The following HCN3 variants were observed in gnomAD, a reference collection of about 807,000 sequenced individuals.
The protein encoded by HCN3 is potassium/sodium hyperpolarization-activated cyclic nucleotide-gated channel 3.
In HCN3, 36 loss-of-function variants were observed where a neutral mutation model predicts 56.8. The ratio of observed to expected loss-of-function variants is 0.63; its 90% CI spans 0.49 to 0.84. HCN3 has a LOEUF of 0.84. Ranked by LOEUF, HCN3 falls within the 40% of genes least tolerant of loss-of-function variation. The pLI is 0.00. For synonymous variants in HCN3, 425 were observed against 439.7 expected (o/e 0.97, Z 0.42); for missense variants, 930 against 1,079.3 (o/e 0.86, Z 1.94).
In HCN3 at chr1:155,284,733, T is replaced by C; in HGVS notation, c.1065T>C (p.Ser355=). The C allele has an allele frequency of 6.2e-7, 1 of 1,614,052 alleles. No homozygotes were observed. Among genetic ancestry groups the C allele is most frequent in the South Asian group, 1.1e-5 (1 of 91,086 alleles). ...CGGCACTCATCCAGTCCCTGGACTC[T>C]TCCCGGCGTCAGTACCAGGAGAAGG... is the stretch of plus-strand genomic sequence containing the variant. The part of the protein sequence containing the change: ...HATALIQSLD[S]SRRQYQEKYK... Residue 355 remains serine, a synonymous_variant, in exon 4 of 8, where the codon TCT becomes TCC. Coordinates refer to ENST00000368358, the MANE Select transcript of HCN3 (RefSeq NM_020897.3). The surrounding 1 kb of genome is among the most constrained non-coding windows in gnomAD (Gnocchi z 4.3).
In HCN3 at chr1:155,288,603, C is replaced by T. The variant is rs1674401971; in HGVS notation, c.*140C>T. The T allele has an allele frequency of 9.4e-7, 1 of 1,059,376 alleles. No individual in the cohort carries two copies. Among genetic ancestry groups the T allele is most frequent in the South Asian group, 1.7e-5 (1 of 60,428 alleles). The allele number at this position is 1,059,376 out of a possible 1,614,324, so 65.6% of individuals were successfully genotyped here. On this transcript the variant is annotated 3_prime_UTR_variant, in exon 8 of 8. Transcript: ENST00000368358. This position sits in a 1 kb window ranked among gnomAD's most constrained non-coding sequence, Gnocchi z 6.5. ...CCCTGTGCGGACATTCCGCATACTG[C>T]CATGAAGACGGTCTCTGTGTCCTCA...
At chr1:155,277,982 C>T in intron 1 of HCN3, 114 bp downstream of exon 1, 1 of 1,308,462 alleles carries the variant, frequency 7.6e-7, no homozygotes, top group South Asian at 1.4e-5. Context: ...AGCCCGGGGT[C>T]CCTTGGTGGG....
chr1:155,286,042 T>C (rs1004127571), intron 6 of HCN3, 78 bp downstream of exon 6: 88 of 1,512,392 alleles, frequency 5.8e-5, no homozygotes, highest in Non-Finnish European at 7.2e-5. Context: ...TCTGGGTCCC[T>C]GCCTCAGTAC....
At chr1:155,280,662 T>A (rs1164297963) in intron 1 of HCN3, among the ~76,000 whole-genome samples, 1 of 148,166 alleles carries the variant, frequency 6.7e-6, no homozygotes, top group Non-Finnish European at 1.5e-5. Context: ...ATGGTCTCAA[T>A]CTCCTGACCT....
Position 155,285,248 on chromosome 1 carries a change from C to T in HCN3, c.1173C>T (p.Arg391=), listed in dbSNP as rs1055504195. The change falls in exon 5 of 8, where the codon CGC becomes CGT. Residue 391 remains arginine, a synonymous_variant. Coordinates refer to ENST00000368358, the MANE Select transcript of HCN3 (RefSeq NM_020897.3). The surrounding 1 kb of genome is among the most constrained non-coding windows in gnomAD (Gnocchi z 4.5). ...GCATCCACGAGTACTATGAGCACCG[C>T]TACCAGGGCAAGATGTTCGATGAGG... ...RQRIHEYYEH[R]YQGKMFDEES... 2 of 1,614,250 alleles carry T rather than the reference C, an allele frequency of 1.2e-6. No homozygotes were observed. The highest frequency in any genetic ancestry group is 2.7e-5 in the African/African-American group (2 of 75,078).
Position 155,287,965 on chromosome 1 carries a change from G to A in HCN3, c.1827G>A (p.Ala609=), listed in dbSNP as rs1308669882. 12 of 1,613,922 alleles carry A rather than the reference G, an allele frequency of 7.4e-6. No homozygotes were observed. The highest frequency in any genetic ancestry group is 1.1e-5 in the South Asian group (1 of 91,082). ...TACTGTGGGAGCCACTGGTACATGCGCCCCTTCAGGCAGCTGCTGTGACCT... is the reference window on the plus strand; with the variant it reads ...TACTGTGGGAGCCACTGGTACATGCACCCCTTCAGGCAGCTGCTGTGACCT... The part of the protein sequence containing the change: ...KPVLWEPLVH[A]PLQAAAVTSN... The change falls in exon 8 of 8, where the codon GCG becomes GCA. Residue 609 remains alanine (A), a synonymous_variant. Coordinates refer to ENST00000368358, the MANE Select transcript of HCN3 (RefSeq NM_020897.3).
chr1:155,287,883 C>A lies in HCN3; in HGVS notation c.1745C>A (p.Ala582Asp), dbSNP rs1264771174. The A allele has an allele frequency of 1.2e-6, 2 of 1,613,880 alleles. No individual in the cohort carries two copies. ...TTGGTGCAACATGACAGAGACATGG[C>A]TCGGGGTGTTCGGGGTCGGGCCCCG... is the stretch of plus-strand genomic sequence containing the variant. ...QHLVQHDRDM[A>D]RGVRGRAPST... The change falls in exon 8 of 8, where the codon GCT becomes GAT. Residue 582 changes from alanine (A) to aspartate (D), a missense_variant. By Grantham distance (126) the Ala-to-Asp change is moderately radical (BLOSUM62 -2). Transcript: ENST00000368358.
At chr1:155,287,361 C>T (rs1674328714) in intron 7 of HCN3, 24 bp downstream of exon 7, 1 of 1,612,602 alleles carries the variant, frequency 6.2e-7, no homozygotes, top group African/African-American at 1.3e-5. Flanking sequence ...ACCCCATCTG[C>T]TCTGGGTCCA....
chr1:155,277,714 C>T lies in HCN3; in HGVS notation c.124C>T (p.Pro42Ser), dbSNP rs772742057. 1 of 1,583,232 alleles carries T rather than the reference C, an allele frequency of 6.3e-7. No individual in the cohort carries two copies. The highest frequency in any genetic ancestry group is 1.1e-5 in the South Asian group (1 of 87,142). The change falls in exon 1 of 8, where the codon CCT becomes TCT. Residue 42 changes from proline (P) to serine (S), a missense_variant. Physicochemically the swap from Pro to Ser is moderately conservative, Grantham distance 74. Transcript: ENST00000368358. ...CTCAGGTCCGATCCCCAAATCTGGG[C>T]CTGAGCCTAAGAGGAGGCACCTTGG... is the stretch of plus-strand genomic sequence containing the variant. ...AASGPIPKSG[P>S]EPKRRHLGTL...
In HCN3 at chr1:155,285,889, A is replaced by G. The variant is rs755109897; in HGVS notation, c.1402A>G (p.Ile468Val). 2 of 1,614,004 alleles carry G rather than the reference A, an allele frequency of 1.2e-6. No individual in the cohort carries two copies. The highest frequency in any genetic ancestry group is 1.7e-6 in the Non-Finnish European group (2 of 1,179,990). ...CTCCGTGGGGAGGAAGATGTACTTCATCCAGCATGGGCTGCTCAGTGTGCT... is the reference window on the plus strand; with the variant it reads ...CTCCGTGGGGAGGAAGATGTACTTCGTCCAGCATGGGCTGCTCAGTGTGCT... ...EGSVGRKMYF[I>V]QHGLLSVLAR... The change falls in exon 6 of 8, where the codon ATC (isoleucine) becomes GTC (valine). Residue 468 changes from isoleucine (I) to valine (V), a missense_variant. Transcript: ENST00000368358. The surrounding 1 kb of genome is among the most constrained non-coding windows in gnomAD (Gnocchi z 4.5).
Position 155,287,927 on chromosome 1 carries a change from A to C in HCN3, c.1789A>C (p.Ser597Arg). Residue 597 changes from serine to arginine, a missense_variant, in exon 8 of 8, where the codon AGT becomes CGT. Physicochemically the swap from Ser to Arg is moderately radical, Grantham distance 110. Transcript: ENST00000368358. ...GGCCCCGAGCACAGGAGCTCAGCTTAGTGGAAAGCCAGTACTGTGGGAGCC... is the reference window on the plus strand; with the variant it reads ...GGCCCCGAGCACAGGAGCTCAGCTTCGTGGAAAGCCAGTACTGTGGGAGCC... ...GRAPSTGAQLSGKPVLWEPLV... is the reference protein window; with the variant it reads ...GRAPSTGAQLRGKPVLWEPLV... The C allele has an allele frequency of 6.2e-7, 1 of 1,614,010 alleles. No individual in the cohort carries two copies.
intron 1 of HCN3, among the ~76,000 whole-genome samples, chr1:155,281,217 T>C (rs1385583136): frequency 3.4e-5 from 5 of 147,372 alleles, no homozygotes; most frequent in African/African-American, 1.3e-4. Context: ...ACTACAGGTG[T>C]GCACCACCAT....
Position 155,284,068 on chromosome 1 carries a change from T to A in HCN3, c.803T>A (p.Leu268Gln). ...MLLLCHWDGC[L>Q]QFLVPMLQDF... ...CTGCTATGTCACTGGGATGGCTGTC[T>A]GCAGTTCCTGGTGCCCATGCTGCAG... The change falls in exon 3 of 8, where the codon CTG (leucine) becomes CAG (glutamine). Residue 268 changes from leucine (L) to glutamine (Q), a missense_variant. By Grantham distance (113) the Leu-to-Gln change is moderately radical. Transcript: ENST00000368358. This position sits in a 1 kb window ranked among gnomAD's most constrained non-coding sequence, Gnocchi z 4.3. The A allele has an allele frequency of 6.2e-7, 1 of 1,614,194 alleles. No homozygotes were observed.
At position 155,288,436 on chromosome 1, in the gene HCN3, G is replaced by C; in HGVS notation, c.2298G>C (p.Arg766=). 6.2e-7 allele frequency: 1 copy of C among 1,606,022 alleles called. No individual in the cohort carries two copies. The highest frequency in any genetic ancestry group is 8.5e-7 in the Non-Finnish European group (1 of 1,176,724). ...RPPVPEPATP[R]GLQLSANM ...CAGTGCCTGAGCCAGCCACACCCCG[G>C]GGTCTCCAGCTTTCTGCCAACATGT... Residue 766 remains arginine (R), a synonymous_variant, in exon 8 of 8, where the codon CGG becomes CGC. Transcript: ENST00000368358. The surrounding 1 kb of genome is among the most constrained non-coding windows in gnomAD (Gnocchi z 6.5).
At chr1:155,280,436 ATT>A (rs58042846) in intron 1 of HCN3, among the ~76,000 whole-genome samples, 13 of 131,522 alleles carry the variant, frequency 9.9e-5, no homozygotes, top group Admixed American at 2.3e-4. Context: ...CACCTGGCTA[ATT>A]TTTTTTTTTT....
Position 155,282,862 on chromosome 1 carries a change from CG to C in HCN3, c.708+26del. The C allele has an allele frequency of 3.9e-6, 1 of 257,742 alleles. No individual in the cohort carries two copies. 16.0% of individuals were successfully genotyped at this position (257,742 alleles called of 1,614,324 possible). The stretch of plus-strand genomic sequence containing the variant: ...GGAGGTGGGGTGGGGAGATGGCGGG[CG>C]GGGCAGTGGGTGGGGGATGTTGGGG... On this transcript the variant is annotated intron_variant, in intron 2 of 7. Transcript: ENST00000368358. This position sits in a 1 kb window ranked among gnomAD's most constrained non-coding sequence, Gnocchi z 4.7.
In HCN3 at chr1:155,288,649, G is replaced by T; in HGVS notation, c.*186G>T. ...CCTCAGCTCAAGAATCCTGTAGCTT[G>T]TCCCATCATAATCCATTCACCCGTT... On this transcript the variant is annotated 3_prime_UTR_variant, in exon 8 of 8. Transcript: ENST00000368358. The surrounding 1 kb of genome is among the most constrained non-coding windows in gnomAD (Gnocchi z 6.5). 1.4e-6 allele frequency: 1 copy of T among 714,292 alleles called. No individual in the cohort carries two copies. The highest frequency in any genetic ancestry group is 2.2e-6 in the Non-Finnish European group (1 of 448,680). The allele number at this position is 714,292 out of a possible 1,614,324, so 44.2% of individuals were successfully genotyped here.
At position 155,285,730 on chromosome 1, in the gene HCN3, A is replaced by C. The variant is rs772832771; in HGVS notation, c.1243A>C (p.Ile415Leu). The C allele has an allele frequency of 6.8e-6, 11 of 1,613,962 alleles. No homozygotes were observed. Among genetic ancestry groups the C allele is most frequent in the Non-Finnish European group, 9.3e-6 (11 of 1,180,014 alleles). ...ELSEPLREEI[I>L]NFTCRGLVAH... ...AGGCCCCTCCCCTGTCCAGGAGATC[A>C]TTAACTTCACCTGTCGGGGCCTGGT... is the stretch of plus-strand genomic sequence containing the variant. The change falls in exon 6 of 8, where the codon ATT (isoleucine) becomes CTT (leucine). Residue 415 changes from isoleucine (I) to leucine (L), a missense_variant. Transcript: ENST00000368358. The surrounding 1 kb of genome is among the most constrained non-coding windows in gnomAD (Gnocchi z 4.5).
chr1:155,281,003 C>T (rs375256793), intron 1 of HCN3, among the ~76,000 whole-genome samples: 3 of 151,816 alleles, frequency 2.0e-5, no homozygotes, highest in East Asian at 3.9e-4. Flanking sequence ...ATCCGCCCAC[C>T]TTGGCCTCTC....
Sources: gnomAD v4.1 joint callset for allele counts (sites outside exome capture counted in the v4.1 genomes callset) on GRCh38, gnomAD v4.1.1 for gene constraint, Gnocchi (gnomAD v3.1) non-coding constraint, MANE v1.5 for transcripts, NCBI Gene and HGNC (gene_info 2026-07-23, HGNC 2026-07-21) for gene names.